The following TRPM2 variants were observed in gnomAD, a reference collection of about 807,000 sequenced individuals.
TRPM2 encodes estrogen-responsive element-associated gene 1 protein.
In TRPM2, 161 loss-of-function variants were observed where a neutral mutation model predicts 174.0. That is an observed-to-expected ratio of 0.93 (90% CI 0.81 to 1.05). The LOEUF is 1.05. TRPM2 is among the 50% of genes least tolerant of loss of function. TRPM2 has a pLI of 0.00. For missense variants in TRPM2, 2,057 were observed against 2,038.0 expected (o/e 1.01, Z -0.18); for synonymous variants, 954 against 861.3 (o/e 1.11, Z -1.88).
At chr21:44,352,841 G>A (rs2123003174), upstream of TRPM2, among the ~76,000 whole-genome samples, 15 of 152,208 alleles carry the variant, frequency 9.9e-5, no homozygotes, top group African/African-American at 2.7e-4. Context: ...CTGGAGTGGA[G>A]AGATGTGGTA....
In TRPM2 at chr21:44,404,965, A is replaced by G. The variant is rs550251971; in HGVS notation, c.2539-177A>G. Among the ~76,000 whole-genome samples, 639 of 144,784 alleles carry G rather than the reference A, an allele frequency of 4.4e-3. 3 individuals carry two copies. The highest frequency in any genetic ancestry group is 0.015 in the African/African-American group (603 of 40,278). 95.0% of individuals were successfully genotyped at this position (144,784 alleles called of 152,430 possible). A position where few individuals can be genotyped will look rare whatever the true frequency, so the allele number is the denominator to read the frequency against. On this transcript the variant is annotated intron_variant, in intron 16 of 31. Transcript: ENST00000397928. ...GATGATAGTGACAGTGACTGTGATG[A>G]TAGTGGATAGTGATATGACAGTGAT...
intron 13 of TRPM2, among the ~76,000 whole-genome samples, chr21:44,398,206 G>GTTTTTTTTTTTT (rs34051764): frequency 6.9e-6 from 1 of 144,732 alleles, no homozygotes; most frequent in African/African-American, 2.7e-5. Flanking sequence ...TTTGGAGACT[G>GTTTTTTTTTTTT]TTTTTTTTTT....
At chr21:44,355,017 C>T (rs1209389749) in intron 2 of TRPM2, among the ~76,000 whole-genome samples, 1 of 151,910 alleles carries the variant, frequency 6.6e-6, no homozygotes, top group East Asian at 1.9e-4. Flanking sequence ...GCGGCGAGGC[C>T]CAGTGGTGTG....
upstream of TRPM2, among the ~76,000 whole-genome samples, chr21:44,351,752 G>A (rs1353588205): frequency 1.3e-5 from 2 of 152,158 alleles, no homozygotes; most frequent in South Asian, 2.1e-4. Flanking sequence ...CCCCCACAGC[G>A]GGCATCAGAT....
chr21:44,359,535 C>T (rs1362616974), intron 2 of TRPM2, among the ~76,000 whole-genome samples: 2 of 151,300 alleles, frequency 1.3e-5, no homozygotes, highest in African/African-American at 4.9e-5. Flanking sequence ...TTTCTCACTG[C>T]TCAGTGGTCT....
chr21:44,422,379 A>C (rs2146364502), intron 22 of TRPM2: 1 of 1,535,920 alleles, frequency 6.5e-7, no homozygotes, highest in East Asian at 2.4e-5. Flanking sequence ...TCCAGTAACC[A>C]CCCTCGCATG....
chr21:44,413,388 G>A (rs926995297), intron 19 of TRPM2, among the ~76,000 whole-genome samples: 58 of 151,770 alleles, frequency 3.8e-4, no homozygotes, highest in African/African-American at 1.2e-3. Context: ...GATTATAGGC[G>A]CCCGCCACCA....
chr21:44,431,262 A>G (rs1037489825), intron 27 of TRPM2, among the ~76,000 whole-genome samples: 1 of 150,522 alleles, frequency 6.6e-6, no homozygotes, highest in African/African-American at 2.4e-5. Context: ...TACTTTATGA[A>G]TTTCATTATA....
chr21:44,364,653 G>A (rs930908254), intron 3 of TRPM2, among the ~76,000 whole-genome samples: 1 of 152,116 alleles, frequency 6.6e-6, no homozygotes, highest in African/African-American at 2.4e-5. Flanking sequence ...GGTGTGCTGG[G>A]AGAATGGTAG....
At chr21:44,404,772 A>T (rs111605999) in intron 16 of TRPM2, among the ~76,000 whole-genome samples, 5 of 136,018 alleles carry the variant, frequency 3.7e-5, no homozygotes, top group East Asian at 2.1e-4. Flanking sequence ...TGATAGTGAC[A>T]GTGACTGTGA....
rs142577752 is a variant in TRPM2, at chr21:44,374,228, C to A, written c.772-1605C>A. On this transcript the variant is annotated intron_variant, in intron 5 of 31. Transcript: ENST00000397928. ...GTTTCACCATGTTGGCCAGGCTGGT[C>A]TCGAACTCCTGACCTCAACTGATCT... Among the ~76,000 whole-genome samples the A allele has an allele frequency of 5.6e-3, 855 of 152,222 alleles. 7 individuals are homozygous for A. Among genetic ancestry groups the A allele is most frequent in the African/African-American group, 0.02 (823 of 41,520 alleles).
chr21:44,357,594 C>T (rs964521828), intron 2 of TRPM2, among the ~76,000 whole-genome samples: 1 of 152,210 alleles, frequency 6.6e-6, no homozygotes, highest in Non-Finnish European at 1.5e-5. Flanking sequence ...CCTGCAAAGC[C>T]CATTCGAGGC....
intron 27 of TRPM2, among the ~76,000 whole-genome samples, chr21:44,434,037 G>C (rs866895240): frequency 8.1e-5 from 12 of 148,698 alleles, no homozygotes; most frequent in Non-Finnish European, 4.4e-5. Context: ...GTGGTCAGCT[G>C]TCCTGGGGCA....
At chr21:44,410,176 T>C (rs868400169) in intron 19 of TRPM2, among the ~76,000 whole-genome samples, 501 of 28,370 alleles carry the variant, frequency 0.018, 16 homozygotes, top group East Asian at 0.038. Flanking sequence ...TAAGTTTTGA[T>C]CGCGCTGTCT....
intron 9 of TRPM2, 29 bp from the exon 10 acceptor site, chr21:44,390,875 A>T (rs757392441): frequency 1.2e-6 from 2 of 1,613,278 alleles, no homozygotes; most frequent in African/African-American, 2.7e-5. Flanking sequence ...CTCCAGATCG[A>T]GGCCCAATAT....
chr21:44,406,979 G>T (rs1167373050), intron 19 of TRPM2, among the ~76,000 whole-genome samples: 1 of 149,890 alleles, frequency 6.7e-6, no homozygotes, highest in Non-Finnish European at 1.5e-5. Context: ...GGGGCCTGGT[G>T]GGGGTGAGTG....
At position 44,408,025 on chromosome 21, in the gene TRPM2, G is replaced by A. The variant is rs183821032; in HGVS notation, c.2962+1260G>A. The stretch of plus-strand genomic sequence containing the variant: ...CAGTGGCACAATCTTGGCTCACTGC[G>A]ACCTCCACCTCCTGGGTTCAAGCAA... On this transcript the variant is annotated intron_variant, in intron 19 of 31. Coordinates refer to ENST00000397928, the MANE Select transcript of TRPM2 (RefSeq NM_003307.4). 4.5e-3 allele frequency among the ~76,000 whole-genome samples: 688 copies of A among 151,670 alleles called. 8 individuals carry two copies. The highest frequency in any genetic ancestry group is 0.014 in the African/African-American group (597 of 41,346).
At chr21:44,434,473 T>G (rs1347698108) in intron 27 of TRPM2, among the ~76,000 whole-genome samples, 2 of 151,974 alleles carry the variant, frequency 1.3e-5, no homozygotes, top group African/African-American at 4.8e-5. Flanking sequence ...TCTGTAGACG[T>G]GGATGCCGCC....
intron 16 of TRPM2, among the ~76,000 whole-genome samples, chr21:44,402,922 A>G (rs897885125): frequency 3.3e-5 from 5 of 152,272 alleles, no homozygotes; most frequent in East Asian, 3.9e-4. Context: ...CCAGGCCCCC[A>G]GTTACCCCAG....
Sources: allele counts gnomAD v4.1 joint callset (sites outside exome capture counted in the v4.1 genomes callset), GRCh38; gene constraint gnomAD v4.1.1; transcripts MANE v1.5; gene names NCBI Gene and HGNC (gene_info 2026-07-23, HGNC 2026-07-21).